ADAMTSL1: variants seen among roughly 807,000 people sequenced by gnomAD.
ADAMTSL1 encodes the protein ADAMTS like 1, also known as ADAMTS-like protein 1.
ADAMTSL1 carries 126 observed loss-of-function variants against 201.8 expected under a neutral mutation model. The ratio of observed to expected loss-of-function variants is 0.62; its 90% CI spans 0.54 to 0.72. The LOEUF (loss-of-function observed/expected upper bound fraction) is 0.72. Among genes scored for constraint, ADAMTSL1 ranks in the 30% least tolerant of loss-of-function variants. ADAMTSL1 has a pLI of 0.00. For synonymous variants in ADAMTSL1, 1,121 were observed against 903.4 expected (o/e 1.24, Z -4.32); for missense variants, 2,679 against 2,277.8 (o/e 1.18, Z -3.59).
At chr9:18,790,569 G>GATTATACTTGGTAGAAATGGCCTGT (rs1275532035) in intron 19 of ADAMTSL1, among the ~76,000 whole-genome samples, 8 of 152,160 alleles carry the variant, frequency 5.3e-5, no homozygotes, top group South Asian at 2.1e-4. Flanking sequence ...TCCTGAAAGA[G>GATTATACTTGGTAGAAATGGCCTGT]ATTATACTTG....
intron 3 of ADAMTSL1, among the ~76,000 whole-genome samples, chr9:18,560,357 C>T (rs1564048466): frequency 6.6e-6 from 1 of 152,256 alleles, no homozygotes; most frequent in African/African-American, 2.4e-5. Context: ...AGGGGTGAAG[C>T]CAACTTGTTC....
intron 2 of ADAMTSL1, among the ~76,000 whole-genome samples, chr9:18,512,481 T>C (rs2131978288): frequency 6.6e-6 from 1 of 152,296 alleles, no homozygotes; most frequent in East Asian, 1.9e-4. Flanking sequence ...GTAGCCCTTC[T>C]AAAGTTTGTA....
chr9:18,554,482 G>C (rs899227281), intron 3 of ADAMTSL1, among the ~76,000 whole-genome samples: 2 of 151,740 alleles, frequency 1.3e-5, no homozygotes, highest in African/African-American at 4.8e-5. Flanking sequence ...TGTTGGCATA[G>C]GGTGACCCAA....
At chr9:18,455,813 T>G (rs147557118) in intron 2 of ADAMTSL1, among the ~76,000 whole-genome samples, 1 of 140,092 alleles carries the variant, frequency 7.1e-6, no homozygotes, top group Non-Finnish European at 1.5e-5. Context: ...TGCATTGAAC[T>G]TGGCAAGAAT....
intron 2 of ADAMTSL1, among the ~76,000 whole-genome samples, chr9:18,232,607 A>G (rs1830686969): frequency 1.3e-5 from 2 of 152,178 alleles, no homozygotes; most frequent in African/African-American, 2.4e-5. Flanking sequence ...GAATAACTGA[A>G]TGAATGGGTT....
chr9:18,833,327 G>A (rs914976631), intron 23 of ADAMTSL1, among the ~76,000 whole-genome samples: 6 of 152,196 alleles, frequency 3.9e-5, no homozygotes, highest in African/African-American at 1.4e-4. Flanking sequence ...CACCAACAGT[G>A]CATAAGCATT....
At chr9:18,899,137 T>C (rs940591752) in intron 26 of ADAMTSL1, among the ~76,000 whole-genome samples, 2 of 152,116 alleles carry the variant, frequency 1.3e-5, no homozygotes, top group Non-Finnish European at 2.9e-5. Context: ...ATTGCTGGCA[T>C]TCCTATACAC....
At chr9:18,565,154 C>G (rs1821795530) in intron 3 of ADAMTSL1, among the ~76,000 whole-genome samples, 1 of 152,180 alleles carries the variant, frequency 6.6e-6, no homozygotes, top group Admixed American at 6.5e-5. Flanking sequence ...TTCATTATAT[C>G]ACACATTTCA....
intron 23 of ADAMTSL1, among the ~76,000 whole-genome samples, chr9:18,878,541 T>C (rs1308466361): frequency 2.6e-5 from 4 of 152,186 alleles, no homozygotes; most frequent in Admixed American, 1.3e-4. Flanking sequence ...GTCAAATCCT[T>C]CTCCTGTGAT....
chr9:18,596,075 A>T (rs1385394187), intron 4 of ADAMTSL1, among the ~76,000 whole-genome samples: 1 of 152,196 alleles, frequency 6.6e-6, no homozygotes, highest in Non-Finnish European at 1.5e-5. Flanking sequence ...CACAGAAGAC[A>T]GTTTTGAAAC....
intron 1 of ADAMTSL1, among the ~76,000 whole-genome samples, chr9:18,019,855 A>C (rs1039894508): frequency 1.3e-5 from 2 of 152,078 alleles, no homozygotes; most frequent in African/African-American, 4.8e-5. Flanking sequence ...CAAAGCCTGG[A>C]GGGCATAGCT....
At chr9:18,474,611 T>G (rs1348989343) in intron 1 of ADAMTSL1, among the ~76,000 whole-genome samples, 2 of 151,650 alleles carry the variant, frequency 1.3e-5, no homozygotes, top group African/African-American at 4.9e-5. Context: ...GTGTGTATGC[T>G]TGGAATTTGG....
chr9:18,102,385 A>C (rs528667919), intron 1 of ADAMTSL1, among the ~76,000 whole-genome samples: 2 of 152,344 alleles, frequency 1.3e-5, no homozygotes, highest in East Asian at 3.9e-4. Flanking sequence ...AGAAACAGAC[A>C]TGGTATTTTT....
At chr9:18,830,040 T>C in intron 23 of ADAMTSL1, 63 bp downstream of exon 23, 1 of 1,541,968 alleles carries the variant, frequency 6.5e-7, no homozygotes, top group Non-Finnish European at 8.8e-7. Flanking sequence ...TATGGATGGG[T>C]GACTGTTTGC....
chr9:18,280,675 T>C (rs1832749079), intron 2 of ADAMTSL1, among the ~76,000 whole-genome samples: 1 of 152,210 alleles, frequency 6.6e-6, no homozygotes, highest in African/African-American at 2.4e-5. Flanking sequence ...GCATTATAAA[T>C]AAATTTTAAA....
chr9:18,325,228 C>T (rs1474321343), intron 2 of ADAMTSL1, among the ~76,000 whole-genome samples: 4 of 152,282 alleles, frequency 2.6e-5, no homozygotes, highest in African/African-American at 7.2e-5. Context: ...CCCAGTGATT[C>T]TACTTTTGTA....
intron 2 of ADAMTSL1, among the ~76,000 whole-genome samples, chr9:18,169,216 A>G (rs1827779048): frequency 6.6e-6 from 1 of 151,854 alleles, no homozygotes; most frequent in Non-Finnish European, 1.5e-5. Context: ...TATGTCCTGA[A>G]TGGTGTTGCC....
At chr9:18,710,661 G>GTTTTTTTTTT (rs1352571180) in intron 14 of ADAMTSL1, among the ~76,000 whole-genome samples, 2 of 79,644 alleles carry the variant, frequency 2.5e-5, no homozygotes, top group Non-Finnish European at 2.5e-5. Context: ...AAGGGCCTAA[G>GTTTTTTTTTT]TTTTGTTTTG....
intron 7 of ADAMTSL1, among the ~76,000 whole-genome samples, chr9:18,649,715 C>A (rs13291906): frequency 0.11 from 17,336 of 152,074 alleles, 1,284 homozygotes; most frequent in Non-Finnish European, 0.16. Flanking sequence ...TTTTCATGAA[C>A]CTCAAATGCT....
Sources: gnomAD v4.1 joint callset for allele counts (sites outside exome capture counted in the v4.1 genomes callset) on GRCh38, gnomAD v4.1.1 for gene constraint, MANE v1.5 for transcripts, NCBI Gene and HGNC (gene_info 2026-07-23, HGNC 2026-07-21) for gene names.